CDK6: variants seen among roughly 807,000 people sequenced by gnomAD.
CDK6 encodes the protein cyclin-dependent kinase 6.
Under a neutral mutation model 37.1 loss-of-function variants are expected in CDK6, and 6 were observed. The ratio of observed to expected loss-of-function variants is 0.16; its 90% CI spans 0.09 to 0.32. CDK6 has a LOEUF of 0.32. Among genes scored for constraint, CDK6 ranks in the 10% least tolerant of loss-of-function variants. The pLI is 1.00. For missense variants in CDK6, 224 were observed against 418.9 expected, an observed-to-expected ratio of 0.53 and a Z score of 4.06; for synonymous variants, 160 against 161.3, an observed-to-expected ratio of 0.99 and a Z score of 0.06.
intron 2 of CDK6, among the ~76,000 whole-genome samples, chr7:92,825,227 T>G (rs1584124335): frequency 6.6e-6 from 1 of 152,150 alleles, no homozygotes; most frequent in Non-Finnish European, 1.5e-5. Flanking sequence ...TCATAAATAC[T>G]TGCTGAATGC....
At chr7:92,794,482 T>C (rs2115870903) in intron 2 of CDK6, among the ~76,000 whole-genome samples, 1 of 152,232 alleles carries the variant, frequency 6.6e-6, no homozygotes, top group South Asian at 2.1e-4. Context: ...CATCTTTTAT[T>C]GGATCCTAAA....
In CDK6 at chr7:92,833,347, G is replaced by C. The variant is rs763923597; in HGVS notation, c.-24C>G. On this transcript the variant is annotated 5_prime_UTR_variant, in exon 2 of 8. Coordinates refer to ENST00000424848, the MANE Select transcript of CDK6 (RefSeq NM_001145306.2). This position sits in a 1 kb window ranked among gnomAD's most constrained non-coding sequence, Gnocchi z 6.1. ...ATGCCGCCTGGACGCCGCCCGCCGC[G>C]GCGCCGCTGGGGCGGGCGGGGGGTG... The C allele has an allele frequency of 1.3e-6, 2 of 1,529,206 alleles. No homozygotes were observed. The highest frequency in any genetic ancestry group is 2.8e-5 in the African/African-American group (2 of 72,020). The allele number at this position is 1,529,206 out of a possible 1,614,324, so 94.7% of individuals were successfully genotyped here.
rs756314897 is a variant in CDK6 at position 92,606,858 on chromosome 7, T to C, written c.*8282A>G. The C allele has an allele frequency of 4.3e-6, 1 of 232,862 alleles. No individual in the cohort carries two copies. Among genetic ancestry groups the C allele is most frequent in the Non-Finnish European group, 8.5e-6 (1 of 117,826 alleles). 14.4% of individuals were successfully genotyped at this position (232,862 alleles called of 1,614,324 possible). The stretch of plus-strand genomic sequence containing the variant: ...CTAATTTGCACTCTACGTGAACCAA[T>C]ATTTTTCTTTTCTTAACACATACTG... On this transcript the variant is annotated 3_prime_UTR_variant, in exon 8 of 8. Coordinates refer to ENST00000424848, the MANE Select transcript of CDK6 (RefSeq NM_001145306.2).
At chr7:92,654,070 T>C (rs1796635754) in intron 5 of CDK6, among the ~76,000 whole-genome samples, 1 of 152,208 alleles carries the variant, frequency 6.6e-6, no homozygotes, top group Admixed American at 6.5e-5. Context: ...ATTAATTCTA[T>C]GTTTTACTGC....
At chr7:92,618,803 C>T (rs1795738278) in intron 6 of CDK6, among the ~76,000 whole-genome samples, 1 of 152,180 alleles carries the variant, frequency 6.6e-6, no homozygotes, top group Non-Finnish European at 1.5e-5. Context: ...AAAAGGAAGT[C>T]TGTGGTATTC....
intron 4 of CDK6, among the ~76,000 whole-genome samples, chr7:92,714,018 G>A (rs1798162979): frequency 6.6e-6 from 1 of 152,146 alleles, no homozygotes; most frequent in Non-Finnish European, 1.5e-5. Flanking sequence ...CACTCACTGA[G>A]CAGCTACCAT....
intron 3 of CDK6, among the ~76,000 whole-genome samples, chr7:92,756,383 C>G (rs1402131818): frequency 6.6e-6 from 1 of 152,164 alleles, no homozygotes; most frequent in Non-Finnish European, 1.5e-5. Context: ...TGAAATTTTG[C>G]TGCTCTGAAG....
At chr7:92,679,111 T>G (rs900230225) in intron 4 of CDK6, among the ~76,000 whole-genome samples, 2 of 152,224 alleles carry the variant, frequency 1.3e-5, no homozygotes, top group Non-Finnish European at 2.9e-5. Context: ...ATCATGCCTG[T>G]GTCAAGAAAT....
At chr7:92,779,516 T>TATAATAA (rs1407609730) in intron 2 of CDK6, among the ~76,000 whole-genome samples, 1 of 152,196 alleles carries the variant, frequency 6.6e-6, no homozygotes, top group Non-Finnish European at 1.5e-5. Flanking sequence ...TTTTTAATTT[T>TATAATAA]TAAGGTGCCA....
chr7:92,662,017 C>A (rs992800189), intron 5 of CDK6, among the ~76,000 whole-genome samples: 2 of 152,012 alleles, frequency 1.3e-5, no homozygotes, highest in African/African-American at 2.4e-5. Flanking sequence ...TAGGGGAATA[C>A]AAAGGGGAAT....
intron 3 of CDK6, among the ~76,000 whole-genome samples, chr7:92,753,749 A>G (rs764692230): frequency 1.3e-5 from 2 of 152,226 alleles, no homozygotes; most frequent in Non-Finnish European, 2.9e-5. Context: ...ACATCATGGC[A>G]GAAGTATTGA....
At chr7:92,668,212 T>C (rs1429909777) in intron 5 of CDK6, among the ~76,000 whole-genome samples, 2 of 152,208 alleles carry the variant, frequency 1.3e-5, no homozygotes, top group Admixed American at 6.5e-5. Flanking sequence ...GTCATACAGA[T>C]TGGCAGCCTA....
intron 2 of CDK6, among the ~76,000 whole-genome samples, chr7:92,815,459 C>A (rs1690325412): frequency 6.6e-6 from 1 of 152,162 alleles, no homozygotes. Context: ...GACTTCTTAC[C>A]TGCCAGAAAC....
At chr7:92,712,791 G>T (rs1798126690) in intron 4 of CDK6, among the ~76,000 whole-genome samples, 1 of 151,860 alleles carries the variant, frequency 6.6e-6, no homozygotes, top group Admixed American at 6.6e-5. Flanking sequence ...GGACAGTTTG[G>T]GTATAAGAAC....
chr7:92,683,871 G>C (rs1797391467), intron 4 of CDK6, among the ~76,000 whole-genome samples: 1 of 152,240 alleles, frequency 6.6e-6, no homozygotes, highest in Non-Finnish European at 1.5e-5. Flanking sequence ...TTAGATTGCA[G>C]CATTAGGAAT....
At chr7:92,725,042 T>C in intron 4 of CDK6, 1 of 985,436 alleles carries the variant, frequency 1.0e-6, no homozygotes, top group Non-Finnish European at 1.2e-6. Context: ...ATCATAACTG[T>C]TATTTTTTGC....
intron 4 of CDK6, among the ~76,000 whole-genome samples, chr7:92,672,166 TACACACACACACACAC>T (rs1434883987): frequency 0.015 from 574 of 38,562 alleles, 4 homozygotes; most frequent in Non-Finnish European, 0.022. Context: ...TATATACACA[TACACACACACACACAC>T]AGACACATAC....
intron 4 of CDK6, among the ~76,000 whole-genome samples, chr7:92,718,123 G>A (rs990705053): frequency 1.3e-5 from 2 of 152,122 alleles, no homozygotes; most frequent in African/African-American, 2.4e-5. Context: ...TCCCTCACTG[G>A]TGAAAGTGAA....
chr7:92,806,708 G>A (rs1009250149), intron 2 of CDK6, among the ~76,000 whole-genome samples: 1 of 152,038 alleles, frequency 6.6e-6, no homozygotes, highest in Non-Finnish European at 1.5e-5. Flanking sequence ...TGCAACATGC[G>A]GAACAGACCG....
Sources: allele counts gnomAD v4.1 joint callset (sites outside exome capture counted in the v4.1 genomes callset), GRCh38; gene constraint gnomAD v4.1.1; non-coding constraint Gnocchi (gnomAD v3.1); transcripts MANE v1.5; gene names NCBI Gene and HGNC (gene_info 2026-07-23, HGNC 2026-07-21).